The following IL1RAPL1 variants were observed in gnomAD, a reference collection of about 807,000 sequenced individuals.
IL1RAPL1 encodes the protein interleukin-1 receptor accessory protein-like 1.
IL1RAPL1 carries 3 observed loss-of-function variants against 48.4 expected under a neutral mutation model. The ratio of observed to expected loss-of-function variants is 0.06; its 90% CI spans 0.03 to 0.16. IL1RAPL1 has a LOEUF of 0.16. IL1RAPL1 is among the 10% of genes least tolerant of loss of function. The pLI, the probability that IL1RAPL1 is intolerant of heterozygous loss-of-function variation, is 1.00. For synonymous variants in IL1RAPL1, 185 were observed against 187.7 expected (o/e 0.99, Z 0.12); for missense variants, 349 against 530.6 (o/e 0.66, Z 3.36).
chrX:29,096,679 A>G (rs1928221628), intron 2 of IL1RAPL1, among the ~76,000 whole-genome samples: 2 of 111,051 alleles, frequency 1.8e-5, no homozygotes, highest in Non-Finnish European at 1.9e-5. Context: ...TGAACTGGAA[A>G]AACATGTAAG....
intron 1 of IL1RAPL1, among the ~76,000 whole-genome samples, chrX:28,645,097 C>T (rs1167926455): frequency 9.1e-6 from 1 of 109,946 alleles, no homozygotes; most frequent in South Asian, 3.9e-4. Flanking sequence ...CCTGTAATCC[C>T]AGCACTTTGG....
chrX:29,655,395 A>C (rs1925646413), intron 5 of IL1RAPL1, among the ~76,000 whole-genome samples: 1 of 111,470 alleles, frequency 9.0e-6, no homozygotes, highest in African/African-American at 3.3e-5. Flanking sequence ...GGGCCTGGTG[A>C]CTCTTGCCTG....
chrX:29,568,939 G>A (rs1053544170), intron 5 of IL1RAPL1, among the ~76,000 whole-genome samples: 1 of 111,345 alleles, frequency 9.0e-6, no homozygotes, highest in African/African-American at 3.3e-5. Flanking sequence ...CCTTTAGAAT[G>A]TCCATAGAGA....
chrX:29,250,558 T>G (rs1180371993), intron 2 of IL1RAPL1, among the ~76,000 whole-genome samples: 2 of 111,921 alleles, frequency 1.8e-5, no homozygotes, highest in African/African-American at 6.5e-5. Flanking sequence ...GGTCATTTCC[T>G]CTTCCTTCAG....
At chrX:29,221,012 C>A (rs769348293) in intron 2 of IL1RAPL1, among the ~76,000 whole-genome samples, 2 of 110,846 alleles carry the variant, frequency 1.8e-5, no homozygotes, top group Non-Finnish European at 3.8e-5. Context: ...CTCCACCTAC[C>A]GGGTTCAAGC....
intron 2 of IL1RAPL1, among the ~76,000 whole-genome samples, chrX:29,184,103 C>A (rs1930202878): frequency 8.9e-6 from 1 of 111,999 alleles, no homozygotes; most frequent in African/African-American, 3.3e-5. Context: ...TCTTTAGGAA[C>A]CCATTTCAAC....
intron 9 of IL1RAPL1, among the ~76,000 whole-genome samples, chrX:29,945,564 T>C (rs1933200225): frequency 8.9e-6 from 1 of 112,548 alleles, no homozygotes; most frequent in Admixed American, 9.4e-5. Flanking sequence ...ATAGATTCAA[T>C]GGCCATTTAT....
intron 8 of IL1RAPL1, among the ~76,000 whole-genome samples, chrX:29,937,663 T>C (rs1239335402): frequency 8.9e-6 from 1 of 111,839 alleles, no homozygotes; most frequent in African/African-American, 3.3e-5. Context: ...ATTACACTCC[T>C]GCATAGAAAT....
At chrX:28,866,481 G>T (rs969933992) in intron 2 of IL1RAPL1, among the ~76,000 whole-genome samples, 1 of 110,817 alleles carries the variant, frequency 9.0e-6, no homozygotes, top group African/African-American at 3.3e-5. Flanking sequence ...CACTAAAGAA[G>T]TTACTCTGTA....
chrX:28,761,013 G>A (rs192939228), intron 1 of IL1RAPL1, among the ~76,000 whole-genome samples: 3 of 108,562 alleles, frequency 2.8e-5, no homozygotes, highest in African/African-American at 6.7e-5. Flanking sequence ...TTGAACCTGG[G>A]GGGGCAGAGG....
intron 1 of IL1RAPL1, among the ~76,000 whole-genome samples, chrX:28,706,937 G>A (rs1452114304): frequency 8.9e-6 from 1 of 112,107 alleles, no homozygotes; most frequent in Non-Finnish European, 1.9e-5. Flanking sequence ...AGAAATGACT[G>A]TCTTCATAAA....
At chrX:28,950,823 G>A (rs1360198116) in intron 2 of IL1RAPL1, among the ~76,000 whole-genome samples, 1 of 108,337 alleles carries the variant, frequency 9.2e-6, no homozygotes, top group African/African-American at 3.4e-5. Context: ...ACATGCACAT[G>A]TATGTTTATT....
intron 2 of IL1RAPL1, among the ~76,000 whole-genome samples, chrX:29,152,150 G>T (rs776938914): frequency 1.8e-5 from 2 of 111,142 alleles, no homozygotes; most frequent in South Asian, 7.7e-4. Context: ...CAGGGGAACT[G>T]CCCTTTATAA....
rs1215831851 is a variant in IL1RAPL1 at position 29,094,257 on chromosome X, T to C, written c.83-188681T>C. Among the ~76,000 whole-genome samples the C allele has an allele frequency of 2.7e-5, 3 of 111,439 alleles. No homozygotes were observed. The Admixed American group carries it at 2.9e-4, about 11-fold the overall frequency. ...GACTCCCATATAAATGTAGCTATTT[T>C]ATATATTTTTGTGTATATATGCCCA... On this transcript the variant is annotated intron_variant, in intron 2 of 10. Transcript: ENST00000378993.
chrX:29,165,285 C>T (rs1929765834), intron 2 of IL1RAPL1, among the ~76,000 whole-genome samples: 1 of 111,743 alleles, frequency 8.9e-6, no homozygotes, highest in Admixed American at 9.5e-5. Flanking sequence ...CGCCATTACA[C>T]TCCAACCTGG....
chrX:29,601,456 G>A (rs1362014984), intron 5 of IL1RAPL1, among the ~76,000 whole-genome samples: 1 of 111,780 alleles, frequency 8.9e-6, no homozygotes, highest in Non-Finnish European at 1.9e-5. Flanking sequence ...ATCCCACAGA[G>A]AGGCTGTATT....
chrX:28,763,799 G>A (rs1936203320), intron 1 of IL1RAPL1, among the ~76,000 whole-genome samples: 1 of 110,258 alleles, frequency 9.1e-6, no homozygotes, highest in Non-Finnish European at 1.9e-5. Context: ...GTATGCCATG[G>A]ACTCCAAACA....
intron 6 of IL1RAPL1, among the ~76,000 whole-genome samples, chrX:29,782,156 A>G (rs1246420618): frequency 9.1e-6 from 1 of 109,474 alleles, no homozygotes; most frequent in Non-Finnish European, 1.9e-5. Context: ...GTACCTACCT[A>G]CCTACCTACC....
intron 5 of IL1RAPL1, among the ~76,000 whole-genome samples, chrX:29,613,744 TGTGTGTGTGTGTG>T (rs1924172779): frequency 1.0e-5 from 1 of 98,170 alleles, no homozygotes; most frequent in African/African-American, 3.8e-5. Flanking sequence ...TGTGTGTGTG[TGTGTGTGTGTGTG>T]TTTCTTTTTT....
Sources: gnomAD v4.1 joint callset for allele counts (sites outside exome capture counted in the v4.1 genomes callset) on GRCh38, gnomAD v4.1.1 for gene constraint, MANE v1.5 for transcripts, NCBI Gene and HGNC (gene_info 2026-07-23, HGNC 2026-07-21) for gene names.